Variants in SLC24A2 observed in about 807,000 individuals in gnomAD.
The protein encoded by SLC24A2 is solute carrier family 24 member 2.
In SLC24A2, 36 loss-of-function variants were observed where a neutral mutation model predicts 62.0. The ratio of observed to expected loss-of-function variants is 0.58; its 90% confidence interval spans 0.44 to 0.77. The LOEUF is 0.77. Among genes scored for constraint, SLC24A2 ranks in the 30% least tolerant of loss-of-function variants. The pLI, the probability that SLC24A2 is intolerant of heterozygous loss-of-function variation, is 0.00. For missense variants in SLC24A2, 846 were observed against 817.9 expected, an observed-to-expected ratio of 1.03 and a Z score of -0.42; for synonymous variants, 358 against 294.0, an observed-to-expected ratio of 1.22 and a Z score of -2.23.
At chr9:19,590,968 G>C (rs1048215240) in intron 5 of SLC24A2, among the ~76,000 whole-genome samples, 2 of 152,018 alleles carry the variant, frequency 1.3e-5, no homozygotes, top group South Asian at 2.1e-4. Flanking sequence ...CCTTTAACGT[G>C]TTCTTCACTC....
chr9:20,210,592 G>T, the SLC24A2 span, among the ~76,000 whole-genome samples: 1 of 142,506 alleles, frequency 7.0e-6, no homozygotes, highest in Non-Finnish European at 1.5e-5. Flanking sequence ...TCCTGCCTCA[G>T]CCTCCCGAGT....
At chr9:20,141,529 G>A in the SLC24A2 span, among the ~76,000 whole-genome samples, 1 of 151,882 alleles carries the variant, frequency 6.6e-6, no homozygotes, top group African/African-American at 2.4e-5. Flanking sequence ...CTGACGGTAT[G>A]TCACAGCCTA....
At chr9:19,706,151 C>G (rs1220719878) in intron 2 of SLC24A2, among the ~76,000 whole-genome samples, 2 of 151,416 alleles carry the variant, frequency 1.3e-5, no homozygotes, top group South Asian at 2.1e-4. Flanking sequence ...GGATAGTTAG[C>G]TCTTCTTGTT....
the SLC24A2 span, among the ~76,000 whole-genome samples, chr9:19,977,102 C>T: frequency 1.5e-5 from 2 of 134,356 alleles, no homozygotes; most frequent in South Asian, 5.1e-4. Context: ...TCAAACAAAA[C>T]ATTTCTATAT....
chr9:19,547,031 G>A (rs1361406602), intron 8 of SLC24A2, among the ~76,000 whole-genome samples: 2 of 152,240 alleles, frequency 1.3e-5, no homozygotes, highest in Non-Finnish European at 2.9e-5. Context: ...CTTCTGTGGC[G>A]ATCTCGCTGG....
intron 7 of SLC24A2, among the ~76,000 whole-genome samples, chr9:19,556,419 G>C (rs1835090086): frequency 6.6e-6 from 1 of 152,176 alleles, no homozygotes; most frequent in African/African-American, 2.4e-5. Flanking sequence ...AGATTCCAGA[G>C]TGAAGGTGAG....
chr9:20,105,895 T>C, the SLC24A2 span, among the ~76,000 whole-genome samples: 23 of 151,968 alleles, frequency 1.5e-4, no homozygotes, highest in Non-Finnish European at 2.4e-4. Context: ...TTCAAAAAAT[T>C]AATGAATCCA....
At chr9:20,271,603 T>G in the SLC24A2 span, among the ~76,000 whole-genome samples, 2,388 of 152,306 alleles carry the variant, frequency 0.016, 69 homozygotes, top group African/African-American at 0.055. Flanking sequence ...CAGACGTGTT[T>G]CTGCAACTAA....
At chr9:20,151,124 C>A in the SLC24A2 span, among the ~76,000 whole-genome samples, 1 of 151,866 alleles carries the variant, frequency 6.6e-6, no homozygotes, top group African/African-American at 2.4e-5. Flanking sequence ...TTACTTAGAA[C>A]CCCTAATTAA....
At chr9:19,976,628 T>A in the SLC24A2 span, among the ~76,000 whole-genome samples, 2,027 of 152,328 alleles carry the variant, frequency 0.013, 40 homozygotes, top group African/African-American at 0.041. Flanking sequence ...GAAAACAGAC[T>A]AATAATTATA....
the SLC24A2 span, among the ~76,000 whole-genome samples, chr9:20,061,749 GAGA>G: frequency 6.6e-6 from 1 of 152,084 alleles, no homozygotes; most frequent in Non-Finnish European, 1.5e-5. Flanking sequence ...GAAAATACAG[GAGA>G]AGATTTGTAC....
chr9:20,235,757 C>T, the SLC24A2 span, among the ~76,000 whole-genome samples: 17 of 152,362 alleles, frequency 1.1e-4, no homozygotes, highest in African/African-American at 3.8e-4. Flanking sequence ...CTGTCTGGCA[C>T]TCCCCAGTGA....
chr9:19,638,963 TA>T (rs60437775), intron 2 of SLC24A2, among the ~76,000 whole-genome samples: 152,381 of 152,382 alleles, frequency 1, 76,190 homozygotes, highest in Non-Finnish European at 1. Context: ...CTCTGAAGCT[TA>T]AGGCCAAGAA....
intron 2 of SLC24A2, among the ~76,000 whole-genome samples, chr9:19,636,409 T>TCTC (rs1450129313): frequency 0.014 from 565 of 40,054 alleles, 60 homozygotes; most frequent in Non-Finnish European, 0.019. Flanking sequence ...CTCTCTCTCT[T>TCTC]TCTTTCTTTC....
chr9:19,642,102 G>C (rs12683123), intron 2 of SLC24A2, among the ~76,000 whole-genome samples: 11,344 of 152,132 alleles, frequency 0.075, 929 homozygotes, highest in African/African-American at 0.2. Context: ...CAGGGTATAG[G>C]GAGAGACTGG....
At chr9:20,214,914 C>A in the SLC24A2 span, among the ~76,000 whole-genome samples, 1 of 152,176 alleles carries the variant, frequency 6.6e-6, no homozygotes, top group Non-Finnish European at 1.5e-5. Context: ...ACCGTACAGT[C>A]TCACTTATTT....
the SLC24A2 span, among the ~76,000 whole-genome samples, chr9:20,003,351 G>C: frequency 6.6e-6 from 1 of 152,296 alleles, no homozygotes; most frequent in South Asian, 2.1e-4. Context: ...GATATGGTGA[G>C]CATGCTATTG....
At chr9:20,092,976 T>C in the SLC24A2 span, among the ~76,000 whole-genome samples, 1 of 152,184 alleles carries the variant, frequency 6.6e-6, no homozygotes, top group Non-Finnish European at 1.5e-5. Flanking sequence ...ATGGCCAACA[T>C]AAATAACTGT....
chr9:20,271,437 T>C, the SLC24A2 span, among the ~76,000 whole-genome samples: 13 of 152,122 alleles, frequency 8.5e-5, no homozygotes, highest in Non-Finnish European at 1.8e-4. Flanking sequence ...AGATATATGC[T>C]GCTGCTGCTT....
Sources: gnomAD v4.1 joint callset for allele counts (sites outside exome capture counted in the v4.1 genomes callset) on GRCh38, gnomAD v4.1.1 for gene constraint, MANE v1.5 for transcripts, NCBI Gene and HGNC (gene_info 2026-07-23, HGNC 2026-07-21) for gene names.